Variants in KCNH1 observed in about 807,000 individuals in gnomAD.
KCNH1 encodes potassium voltage-gated channel subfamily H member 1.
KCNH1 carries 27 observed loss-of-function variants against 69.2 expected under a neutral mutation model. The ratio of observed to expected loss-of-function variants is 0.39; its 90% CI spans 0.29 to 0.54. The LOEUF (loss-of-function observed/expected upper bound fraction) is 0.54. KCNH1 is among the 20% of genes least tolerant of loss of function. The pLI is 0.68. For missense variants in KCNH1, 798 were observed against 1,261.6 expected, an observed-to-expected ratio of 0.63 and a Z score of 5.57; for synonymous variants, 456 against 487.7, an observed-to-expected ratio of 0.93 and a Z score of 0.86.
intron 6 of KCNH1, among the ~76,000 whole-genome samples, chr1:210,999,178 G>A (rs956340816): frequency 6.6e-6 from 1 of 152,108 alleles, no homozygotes; most frequent in African/African-American, 2.4e-5. Flanking sequence ...CAGAACTGAA[G>A]GAAATAGAGA....
chr1:210,817,441 AT>A (rs1485576182), intron 7 of KCNH1, among the ~76,000 whole-genome samples: 1 of 152,156 alleles, frequency 6.6e-6, no homozygotes, highest in Non-Finnish European at 1.5e-5. Context: ...TACATAATTT[AT>A]CTTAATGGTA....
intron 5 of KCNH1, among the ~76,000 whole-genome samples, chr1:211,035,309 C>T (rs1265610553): frequency 5.0e-5 from 6 of 119,020 alleles, no homozygotes; most frequent in Admixed American, 2.3e-4. Context: ...AGTGCAGTGG[C>T]GGGATCTCGG....
intron 6 of KCNH1, among the ~76,000 whole-genome samples, chr1:211,001,514 A>G (rs997181638): frequency 1.5e-4 from 23 of 152,288 alleles, no homozygotes; most frequent in Middle Eastern, 3.4e-3. Context: ...TCAGGAAACA[A>G]CAGGTGCTGG....
At chr1:211,021,478 A>G (rs1689585453) in intron 5 of KCNH1, among the ~76,000 whole-genome samples, 1 of 152,116 alleles carries the variant, frequency 6.6e-6, no homozygotes. Context: ...CAGAACAATT[A>G]GGCAAGAGAA....
chr1:210,788,691 T>C (rs1293929520), intron 9 of KCNH1, among the ~76,000 whole-genome samples: 1 of 79,514 alleles, frequency 1.3e-5, no homozygotes, highest in African/African-American at 5.6e-5. Context: ...CTTTCTTTTT[T>C]TTTTTTTTTT....
At chr1:210,853,965 A>G (rs947748702) in intron 7 of KCNH1, among the ~76,000 whole-genome samples, 7 of 150,706 alleles carry the variant, frequency 4.6e-5, no homozygotes, top group East Asian at 1.9e-4. Context: ...AAAAAAAAAA[A>G]AAAGAAACCA....
intron 7 of KCNH1, among the ~76,000 whole-genome samples, chr1:210,847,827 A>G (rs1370614414): frequency 2.0e-5 from 3 of 152,102 alleles, no homozygotes; most frequent in South Asian, 2.1e-4. Context: ...GGAAAAAAAA[A>G]AGAAATTTTT....
At chr1:211,034,623 A>G (rs1366737752) in intron 5 of KCNH1, among the ~76,000 whole-genome samples, 1 of 152,222 alleles carries the variant, frequency 6.6e-6, no homozygotes, top group Non-Finnish European at 1.5e-5. Flanking sequence ...TTACAACTCT[A>G]TATGAATCTA....
At chr1:211,102,469 G>A (rs961259334) in intron 3 of KCNH1, among the ~76,000 whole-genome samples, 1 of 152,178 alleles carries the variant, frequency 6.6e-6, no homozygotes, top group Non-Finnish European at 1.5e-5. Context: ...GGCAGAGGGA[G>A]TGAACTGGAG....
intron 10 of KCNH1, among the ~76,000 whole-genome samples, chr1:210,723,494 CAAG>C (rs1312052839): frequency 2.0e-5 from 3 of 152,114 alleles, no homozygotes; most frequent in Non-Finnish European, 4.4e-5. Flanking sequence ...AAAGAAAAAC[CAAG>C]AAGAAACACT....
intron 4 of KCNH1, among the ~76,000 whole-genome samples, chr1:211,087,646 C>T (rs1690981155): frequency 6.6e-6 from 1 of 151,310 alleles, no homozygotes; most frequent in Admixed American, 6.6e-5. Context: ...CACGCACACA[C>T]ACACACACAC....
chr1:210,881,018 T>C (rs978744130), intron 7 of KCNH1, among the ~76,000 whole-genome samples: 2 of 85,302 alleles, frequency 2.3e-5, no homozygotes, highest in African/African-American at 1.1e-4. Context: ...AACAGTAATA[T>C]TTTTTTTTTT....
At chr1:210,746,223 G>A (rs1196867474) in intron 10 of KCNH1, among the ~76,000 whole-genome samples, 1 of 152,132 alleles carries the variant, frequency 6.6e-6, no homozygotes, top group Non-Finnish European at 1.5e-5. Flanking sequence ...AGACTCTGAG[G>A]CAAGGCCCCA....
chr1:210,998,120 C>T (rs897714918), intron 6 of KCNH1, among the ~76,000 whole-genome samples: 12 of 152,158 alleles, frequency 7.9e-5, no homozygotes, highest in East Asian at 5.8e-4. Context: ...AGCAAAATAA[C>T]CAGCTAACAT....
intron 7 of KCNH1, chr1:210,860,381 C>A: frequency 7.1e-7 from 1 of 1,414,688 alleles, no homozygotes; most frequent in East Asian, 2.3e-5. Flanking sequence ...AAGCAGATTC[C>A]CTCAAGCTGT....
At chr1:211,104,009 A>G (rs181199788) in intron 2 of KCNH1, among the ~76,000 whole-genome samples, 148 of 152,336 alleles carry the variant, frequency 9.7e-4, no homozygotes, top group Admixed American at 2.7e-3. Flanking sequence ...TGGCTGAGAG[A>G]AAGAAGGAGA....
intron 7 of KCNH1, among the ~76,000 whole-genome samples, chr1:210,850,948 T>C (rs1574295651): frequency 6.6e-6 from 1 of 152,212 alleles, no homozygotes; most frequent in Non-Finnish European, 1.5e-5. Flanking sequence ...AAAAAGGTCA[T>C]TTCAGGCACA....
intron 10 of KCNH1, among the ~76,000 whole-genome samples, chr1:210,688,845 T>C (rs559880635): frequency 6.6e-6 from 1 of 152,046 alleles, no homozygotes; most frequent in Non-Finnish European, 1.5e-5. Context: ...TCTGGAGAGG[T>C]TGTTCCACTG....
At position 210,741,799 on chromosome 1, in the gene KCNH1, C is replaced by A. The variant is rs374086690; in HGVS notation, c.2112+33549G>T. Among the ~76,000 whole-genome samples, 44 of 152,282 alleles carry A rather than the reference C, an allele frequency of 2.9e-4. 1 individual carries two copies. In the South Asian group the frequency reaches 6.4e-3, roughly 22 times the overall value. ...ATCAACCGACAGGGGCAGCCTGGGG[C>A]ACCTGCTGATTCTTGCAGTGATGAT... On this transcript the variant is annotated intron_variant, in intron 10 of 10. Coordinates refer to ENST00000271751, the MANE Select transcript of KCNH1 (RefSeq NM_172362.3).
Sources: gnomAD v4.1 joint callset for allele counts (sites outside exome capture counted in the v4.1 genomes callset) on GRCh38, gnomAD v4.1.1 for gene constraint, MANE v1.5 for transcripts, NCBI Gene and HGNC (gene_info 2026-07-23, HGNC 2026-07-21) for gene names.